Variants in PDE10A observed in about 807,000 individuals in gnomAD.
The protein encoded by PDE10A is phosphodiesterase 10A.
Under a neutral mutation model 97.7 loss-of-function variants are expected in PDE10A, and 39 were observed. That is an observed-to-expected ratio of 0.40 (90% CI 0.31 to 0.52). PDE10A has a LOEUF of 0.52. Ranked by LOEUF, PDE10A falls within the 20% of genes least tolerant of loss-of-function variation. The probability of loss-of-function intolerance (pLI) is 0.56; values close to 1 mark genes in which losing one functional copy is unlikely to be tolerated. For missense variants in PDE10A, 731 were observed against 1,047.8 expected (o/e 0.70, Z 4.17); for synonymous variants, 371 against 376.8 (o/e 0.98, Z 0.18).
intron 1 of PDE10A, among the ~76,000 whole-genome samples, chr6:165,622,992 G>A (rs543920256): frequency 6.6e-6 from 1 of 152,056 alleles, no homozygotes; most frequent in African/African-American, 2.4e-5. Context: ...TGCAGGTGAC[G>A]CACCTGCTCC....
intron 1 of PDE10A, among the ~76,000 whole-genome samples, chr6:165,739,750 G>T (rs1173929450): frequency 6.6e-6 from 1 of 152,052 alleles, no homozygotes; most frequent in Non-Finnish European, 1.5e-5. Flanking sequence ...ATCCAAAATA[G>T]GTAAGGAACT....
chr6:165,779,212 G>T (rs553651447), intron 1 of PDE10A, among the ~76,000 whole-genome samples: 1 of 152,104 alleles, frequency 6.6e-6, no homozygotes, highest in Non-Finnish European at 1.5e-5. Context: ...TCCCCTACGC[G>T]TAACAAAGTT....
At chr6:165,764,868 C>T (rs1777786127) in intron 1 of PDE10A, among the ~76,000 whole-genome samples, 1 of 152,160 alleles carries the variant, frequency 6.6e-6, no homozygotes, top group South Asian at 2.1e-4. Flanking sequence ...CTTTTATTCT[C>T]TTATCTGGCC....
intron 1 of PDE10A, among the ~76,000 whole-genome samples, chr6:165,573,943 T>G (rs1298130800): frequency 6.6e-6 from 1 of 152,236 alleles, no homozygotes; most frequent in Non-Finnish European, 1.5e-5. Context: ...CACCATGTGC[T>G]TCTTATCTTA....
chr6:165,648,346 A>G (rs1789512253), intron 1 of PDE10A, among the ~76,000 whole-genome samples: 1 of 152,022 alleles, frequency 6.6e-6, no homozygotes, highest in African/African-American at 2.4e-5. Context: ...CAGACCATCC[A>G]CTGTTTCTTA....
chr6:165,619,049 C>CTAGCA (rs1787872508), intron 1 of PDE10A, among the ~76,000 whole-genome samples: 2 of 101,890 alleles, frequency 2.0e-5, no homozygotes, highest in Non-Finnish European at 4.2e-5. Context: ...GTAGTGTAGT[C>CTAGCA]TAGTGTGGTG....
chr6:165,451,776 A>C (rs901407791), intron 3 of PDE10A, among the ~76,000 whole-genome samples: 3 of 152,200 alleles, frequency 2.0e-5, no homozygotes, highest in African/African-American at 7.2e-5. Context: ...GTCATCAGAG[A>C]CCCTAGAACA....
chr6:165,481,531 T>C (rs1400609585), intron 3 of PDE10A, among the ~76,000 whole-genome samples: 1 of 152,208 alleles, frequency 6.6e-6, no homozygotes, highest in Non-Finnish European at 1.5e-5. Context: ...TGTCTTACAA[T>C]AAAAACTGAT....
chr6:165,362,682 C>T (rs479290), intron 18 of PDE10A, among the ~76,000 whole-genome samples: 84,323 of 151,906 alleles, frequency 0.56, 24,508 homozygotes, highest in African/African-American at 0.74. Flanking sequence ...TCCAAAAAAA[C>T]AGTAGAGGAG....
intron 1 of PDE10A, among the ~76,000 whole-genome samples, chr6:165,794,451 C>T (rs933697021): frequency 1.3e-5 from 2 of 151,934 alleles, no homozygotes; most frequent in Non-Finnish European, 2.9e-5. Context: ...TACTCACACA[C>T]TCACATGCCC....
At chr6:165,649,930 G>C (rs1789592166) in intron 1 of PDE10A, among the ~76,000 whole-genome samples, 1 of 152,226 alleles carries the variant, frequency 6.6e-6, no homozygotes, top group South Asian at 2.1e-4. Flanking sequence ...GCATCAGTCA[G>C]AAACTGTATT....
chr6:165,842,060 G>C (rs1052538234), intron 1 of PDE10A, among the ~76,000 whole-genome samples: 5 of 152,204 alleles, frequency 3.3e-5, no homozygotes, highest in Non-Finnish European at 5.9e-5. Context: ...AGGTTTTATA[G>C]ATGTACCTAA....
chr6:165,795,363 G>A (rs1401026868), intron 1 of PDE10A, among the ~76,000 whole-genome samples: 1 of 151,962 alleles, frequency 6.6e-6, no homozygotes, highest in Non-Finnish European at 1.5e-5. Flanking sequence ...ATCCACCGTC[G>A]TGGTGCCCAG....
intron 3 of PDE10A, among the ~76,000 whole-genome samples, chr6:165,478,056 C>T (rs927454791): frequency 9.2e-5 from 14 of 152,156 alleles, no homozygotes; most frequent in African/African-American, 3.4e-4. Flanking sequence ...ACCACGAACT[C>T]CCAAATGCAT....
intron 1 of PDE10A, among the ~76,000 whole-genome samples, chr6:165,625,711 A>G (rs1433656388): frequency 6.6e-6 from 1 of 151,892 alleles, no homozygotes; most frequent in African/African-American, 2.4e-5. Context: ...CCCTGCACAA[A>G]TTCTCTCTTG....
chr6:165,943,776 A>G (rs1783665747), intron 1 of PDE10A, among the ~76,000 whole-genome samples: 1 of 152,220 alleles, frequency 6.6e-6, no homozygotes, highest in East Asian at 1.9e-4. Context: ...GTCCTCACAG[A>G]CCTACCCAGA....
intron 18 of PDE10A, among the ~76,000 whole-genome samples, chr6:165,366,156 A>G (rs950457709): frequency 2.0e-5 from 3 of 152,170 alleles, no homozygotes; most frequent in African/African-American, 7.2e-5. Context: ...AAGATACATC[A>G]AATACTACCT....
At chr6:165,951,817 A>C (rs1440335979) in intron 1 of PDE10A, among the ~76,000 whole-genome samples, 1 of 152,118 alleles carries the variant, frequency 6.6e-6, no homozygotes, top group Non-Finnish European at 1.5e-5. Context: ...CTTTTAATAC[A>C]TGGTCCTTCT....
intron 1 of PDE10A, among the ~76,000 whole-genome samples, chr6:165,825,146 A>AG (rs1491400319): frequency 1.1e-3 from 92 of 86,400 alleles, no homozygotes; most frequent in Non-Finnish European, 1.8e-3. Context: ...ACTCCATCTC[A>AG]AAAAAAAAAA....
Sources: allele counts gnomAD v4.1 joint callset (sites outside exome capture counted in the v4.1 genomes callset), GRCh38; gene constraint gnomAD v4.1.1; transcripts MANE v1.5; gene names NCBI Gene and HGNC (gene_info 2026-07-23, HGNC 2026-07-21).